METTL25: variants seen among roughly 807,000 people sequenced by gnomAD.
METTL25 encodes probable methyltransferase-like protein 25.
Under a neutral mutation model 71.6 loss-of-function variants are expected in METTL25, and 64 were observed. That is an observed-to-expected ratio of 0.89 (90% CI 0.73 to 1.10). The LOEUF is 1.10. Ranked by LOEUF, METTL25 falls within the 50% of genes least tolerant of loss-of-function variation. The probability of loss-of-function intolerance (pLI) is 0.00; values close to 1 mark genes in which losing one functional copy is unlikely to be tolerated. For missense variants in METTL25, 807 were observed against 707.0 expected (o/e 1.14, Z -1.60); for synonymous variants, 287 against 250.3 (o/e 1.15, Z -1.38).
intron 5 of METTL25, among the ~76,000 whole-genome samples, chr12:82,412,495 G>T (rs1480978311): frequency 6.6e-6 from 1 of 152,068 alleles, no homozygotes; most frequent in Non-Finnish European, 1.5e-5. Flanking sequence ...TAAATGCTGG[G>T]TTGGCAAGAG....
At chr12:82,413,882 T>C (rs1887748681) in intron 5 of METTL25, among the ~76,000 whole-genome samples, 1 of 151,860 alleles carries the variant, frequency 6.6e-6, no homozygotes. Context: ...AATTATACTT[T>C]TACATTTATA....
At chr12:82,435,965 G>C (rs1016162543) in intron 7 of METTL25, among the ~76,000 whole-genome samples, 1 of 151,322 alleles carries the variant, frequency 6.6e-6, no homozygotes, top group Non-Finnish European at 1.5e-5. Context: ...CACATGAAGA[G>C]ACTGTAAGGT....
At chr12:82,408,008 T>C (rs1887236151) in intron 5 of METTL25, 1 of 973,574 alleles carries the variant, frequency 1.0e-6, no homozygotes, top group African/African-American at 1.8e-5. Context: ...GCTGCCTAGC[T>C]GAGTCGAATT....
intron 1 of METTL25, among the ~76,000 whole-genome samples, chr12:82,363,575 C>G (rs1056155177): frequency 6.6e-6 from 1 of 152,136 alleles, no homozygotes; most frequent in African/African-American, 2.4e-5. Flanking sequence ...CTGCTGCACT[C>G]TGAAGGGGGG....
intron 5 of METTL25, among the ~76,000 whole-genome samples, chr12:82,416,089 C>T (rs1384097230): frequency 6.6e-6 from 1 of 152,058 alleles, no homozygotes; most frequent in Non-Finnish European, 1.5e-5. Context: ...AAGAAAGTAG[C>T]AGTAGGGGCT....
At chr12:82,386,230 A>C (rs1199713050) in intron 1 of METTL25, among the ~76,000 whole-genome samples, 1 of 152,140 alleles carries the variant, frequency 6.6e-6, no homozygotes, top group Admixed American at 6.6e-5. Context: ...CATCATCCAA[A>C]TGATGCAGGA....
intron 1 of METTL25, among the ~76,000 whole-genome samples, chr12:82,361,922 C>T (rs1881982182): frequency 6.6e-6 from 1 of 152,216 alleles, no homozygotes; most frequent in African/African-American, 2.4e-5. Flanking sequence ...GGCGCCAAGG[C>T]TGAGGAGGCG....
At chr12:82,359,101 T>C (rs1263655210) in intron 1 of METTL25, among the ~76,000 whole-genome samples, 1 of 152,160 alleles carries the variant, frequency 6.6e-6, no homozygotes, top group Non-Finnish European at 1.5e-5. Context: ...AATTCCATAA[T>C]AATTGACGCT....
chr12:82,394,627 CAA>C (rs1885915019), intron 3 of METTL25, among the ~76,000 whole-genome samples: 1 of 152,022 alleles, frequency 6.6e-6, no homozygotes, highest in East Asian at 1.9e-4. Context: ...ACAAAACAAA[CAA>C]GAAATATTTT....
intron 1 of METTL25, among the ~76,000 whole-genome samples, chr12:82,385,430 G>A (rs895687940): frequency 4.6e-5 from 7 of 152,160 alleles, no homozygotes; most frequent in African/African-American, 1.4e-4. Context: ...TCCCTAGATT[G>A]CAGCATGGTT....
Position 82,435,106 on chromosome 12 carries a change from G to C in METTL25, c.1404+382G>C, listed in dbSNP as rs144490975. On this transcript the variant is annotated intron_variant, in intron 7 of 11. Transcript: ENST00000248306. The stretch of plus-strand genomic sequence containing the variant: ...AAACACATACTTCAGTTGATTGTTT[G>C]ATAAATTTTTTCTTTACTGACTTGA... Among the ~76,000 whole-genome samples, 19 of 151,534 alleles carry C rather than the reference G, an allele frequency of 1.3e-4. No homozygotes were observed. The East Asian group carries it at 3.7e-3, about 29-fold the overall frequency.
At chr12:82,359,277 A>T (rs997418353) in intron 1 of METTL25, among the ~76,000 whole-genome samples, 2 of 129,286 alleles carry the variant, frequency 1.5e-5, no homozygotes, top group African/African-American at 6.0e-5. Context: ...TCAATTTAGG[A>T]GGTCAGGAAC....
chr12:82,426,330 T>C (rs923997709), intron 5 of METTL25, among the ~76,000 whole-genome samples: 20 of 152,024 alleles, frequency 1.3e-4, no homozygotes, highest in African/African-American at 4.3e-4. Flanking sequence ...TTCAGAAAAC[T>C]TCAAGATGGT....
At chr12:82,413,773 T>G (rs1363380726) in intron 5 of METTL25, among the ~76,000 whole-genome samples, 1 of 151,990 alleles carries the variant, frequency 6.6e-6, no homozygotes, top group Non-Finnish European at 1.5e-5. Flanking sequence ...ATCTTTTTTT[T>G]CTTACTTATA....
At chr12:82,412,577 T>A (rs1477871466) in intron 5 of METTL25, among the ~76,000 whole-genome samples, 1 of 152,136 alleles carries the variant, frequency 6.6e-6, no homozygotes, top group Non-Finnish European at 1.5e-5. Context: ...CACCTACAGT[T>A]TGTAAAACAT....
chr12:82,376,238 A>G (rs1051647844), intron 1 of METTL25, among the ~76,000 whole-genome samples: 1 of 152,180 alleles, frequency 6.6e-6, no homozygotes, highest in African/African-American at 2.4e-5. Flanking sequence ...AAGTTTTTCA[A>G]CTCATACAAA....
rs564295121 is a variant in METTL25, at chr12:82,452,703, T to C, written c.1479-4024T>C. Among the ~76,000 whole-genome samples, 5 of 152,324 alleles carry C rather than the reference T, an allele frequency of 3.3e-5. No homozygotes were observed. In the South Asian group the frequency reaches 1.0e-3, roughly 32 times the overall value. On this transcript the variant is annotated intron_variant, in intron 8 of 11. Transcript: ENST00000248306. ...AAGCCTTCTAGAAATTGGTCTCATA[T>C]CATGCAAAAGTAACCTTTAACTTTC...
chr12:82,379,109 G>C (rs1346116087), intron 1 of METTL25, among the ~76,000 whole-genome samples: 1 of 152,176 alleles, frequency 6.6e-6, no homozygotes, highest in Non-Finnish European at 1.5e-5. Context: ...TCTAGGTCCA[G>C]ATCAAGATAT....
At chr12:82,413,379 TATATA>T (rs1325543838) in intron 5 of METTL25, among the ~76,000 whole-genome samples, 2 of 152,062 alleles carry the variant, frequency 1.3e-5, no homozygotes, top group African/African-American at 2.4e-5. Context: ...TTTAAAGTAA[TATATA>T]ATATAATAAA....
Sources: gnomAD v4.1 joint callset for allele counts (sites outside exome capture counted in the v4.1 genomes callset) on GRCh38, gnomAD v4.1.1 for gene constraint, MANE v1.5 for transcripts, NCBI Gene and HGNC (gene_info 2026-07-23, HGNC 2026-07-21) for gene names.